Variants in ATP7B observed in about 807,000 individuals in gnomAD.
ATP7B encodes the protein copper-transporting ATPase 2.
In ATP7B, 113 loss-of-function variants were observed where a neutral mutation model predicts 118.9. That is an observed-to-expected ratio of 0.95 (90% confidence interval 0.82 to 1.11). The LOEUF (loss-of-function observed/expected upper bound fraction) is 1.11, where lower values mean the gene tolerates loss of function less well. ATP7B is among the 50% of genes most tolerant of loss of function. ATP7B has a pLI of 0.00. For missense variants in ATP7B, 1,867 were observed against 1,871.4 expected (o/e 1.00, Z 0.04); for synonymous variants, 777 against 727.4 (o/e 1.07, Z -1.10).
intron 1 of ATP7B, among the ~76,000 whole-genome samples, chr13:51,994,868 T>A (rs1056022858): frequency 6.6e-6 from 1 of 152,226 alleles, no homozygotes; most frequent in African/African-American, 2.4e-5. Context: ...GCACCATTTT[T>A]ACAAAACGTT....
chr13:51,965,040 CA>C lies in ATP7B; in HGVS notation c.1708-8del. 3.7e-6 allele frequency: 6 copies of C among 1,613,916 alleles called. No homozygotes were observed. Among genetic ancestry groups the C allele is most frequent in the Non-Finnish European group, 5.1e-6 (6 of 1,179,992 alleles). The stretch of plus-strand genomic sequence containing the variant: ...CGCAGGTCATCCCTGTGATCTGCAA[CA>C]CAGGATGGCAAGAATCCCACAGACC... On this transcript the variant is annotated splice_polypyrimidine_tract_variant and splice_region_variant and intron_variant, in intron 4 of 20. Transcript: ENST00000242839.
At chr13:51,957,676 C>A in intron 8 of ATP7B, 69 bp from the exon 9 acceptor site, 1 of 1,473,762 alleles carries the variant, frequency 6.8e-7, no homozygotes. Context: ...GCCTGAGAGT[C>A]ACAAGCGTGG....
At position 52,011,293 on chromosome 13, in the gene ATP7B, AC is replaced by A. The variant is rs1192728612; in HGVS notation, c.44del (p.Ser15IlefsTer19). The A allele has an allele frequency of 1.9e-6, 3 of 1,614,036 alleles. No individual in the cohort carries two copies. Among genetic ancestry groups the A allele is most frequent in the African/African-American group, 1.3e-5 (1 of 74,912 alleles). ...GCGGGGGAACAAAACTCACTTTCCGACTGGCCCCTTCTCTGGCTGTGATCTG... is the reference window on the plus strand; with the variant it reads ...GCGGGGGAACAAAACTCACTTTCCGATGGCCCCTTCTCTGGCTGTGATCTG... ...ERQITAREGA[S>X]RKILSKLSLP... On this transcript the variant is annotated frameshift_variant, in exon 1 of 21. Transcript: ENST00000242839. LOFTEE classifies it high-confidence loss of function.
intron 12 of ATP7B, among the ~76,000 whole-genome samples, chr13:51,948,765 T>C (rs1566494333): frequency 6.6e-6 from 1 of 152,166 alleles, no homozygotes; most frequent in Non-Finnish European, 1.5e-5. Context: ...TTCCTTTCTT[T>C]TTCTGAGGTT....
intron 6 of ATP7B, 75 bp from the exon 7 acceptor site, chr13:51,960,397 A>C: frequency 6.4e-7 from 1 of 1,551,792 alleles, no homozygotes; most frequent in African/African-American, 1.4e-5. Context: ...TCCCCTTCTG[A>C]GGACACAGTT....
chr13:51,937,460 C>T lies in ATP7B; in HGVS notation c.3903+16G>A. The T allele has an allele frequency of 1.2e-6, 2 of 1,614,144 alleles. No individual in the cohort carries two copies. Among genetic ancestry groups the T allele is most frequent in the South Asian group, 1.1e-5 (1 of 91,088 alleles). On this transcript the variant is annotated intron_variant, in intron 18 of 20. Coordinates refer to ENST00000242839, the MANE Select transcript of ATP7B (RefSeq NM_000053.4). ...TGCCCTCCCAGCACCCACAGCCTGG[C>T]TGCAGCCACGCTCACTCTGATAAGG...
At position 51,937,584 on chromosome 13, in the gene ATP7B, C is replaced by A. The variant is rs1957046861; in HGVS notation, c.3795G>T (p.Val1265=). 6.2e-7 allele frequency: 1 copy of A among 1,614,288 alleles called. No homozygotes were observed. Among genetic ancestry groups the A allele is most frequent in the Non-Finnish European group, 8.5e-7 (1 of 1,180,058 alleles). The change falls in exon 18 of 21, where the codon GTG becomes GTT. Residue 1265 remains valine, a synonymous_variant. Coordinates refer to ENST00000242839, the MANE Select transcript of ATP7B (RefSeq NM_000053.4). ...LQNKGKKVAM[V]GDGVNDSPAL... ...CCGGGGAGTCATTGACCCCATCCCC[C>A]ACCATGGCGACTTTCTTCCCTTTAT... is the stretch of plus-strand genomic sequence containing the variant.
At chr13:52,006,232 G>A (rs930662555) in intron 1 of ATP7B, among the ~76,000 whole-genome samples, 6 of 152,206 alleles carry the variant, frequency 3.9e-5, no homozygotes, top group African/African-American at 1.2e-4. Context: ...ATACTTCCTC[G>A]ATATCTATGC....
chr13:51,960,949 T>C (rs1248087156), intron 6 of ATP7B, among the ~76,000 whole-genome samples: 1 of 152,004 alleles, frequency 6.6e-6, no homozygotes, highest in African/African-American at 2.4e-5. Context: ...TGAAAACCAC[T>C]GGCCTTTGAG....
chr13:51,937,298 C>T lies in ATP7B; in HGVS notation c.3999G>A (p.Leu1333=), dbSNP rs186435141. 1.2e-6 allele frequency: 2 copies of T among 1,614,210 alleles called. No homozygotes were observed. ...TACCTGCTGCAATGGGTATCCCAACCAGGTTATAAATCAGTGCCAGGACCA... is the reference window on the plus strand; with the variant it reads ...TACCTGCTGCAATGGGTATCCCAACTAGGTTATAAATCAGTGCCAGGACCA... ...INLVLALIYN[L]VGIPIAAGVF... Residue 1333 remains leucine (L), a synonymous_variant, in exon 19 of 21, where the codon CTG becomes CTA. Transcript: ENST00000242839.
In ATP7B at chr13:51,933,132, G is replaced by C. The variant is rs1956789770; in HGVS notation, c.*1624C>G. 6.6e-6 allele frequency: 1 copy of C among 152,188 alleles called. No homozygotes were observed. The highest frequency in any genetic ancestry group is 2.4e-5 in the African/African-American group (1 of 41,434). 9.4% of individuals were successfully genotyped at this position (152,188 alleles called of 1,614,324 possible). On this transcript the variant is annotated 3_prime_UTR_variant, in exon 21 of 21. Coordinates refer to ENST00000242839, the MANE Select transcript of ATP7B (RefSeq NM_000053.4). ...GCATTCTGAGTTGAAACAATGAATA[G>C]ATCACCTGGTAGATTTGTTCTTCCA...
At chr13:52,003,021 T>C (rs1375146335) in intron 1 of ATP7B, among the ~76,000 whole-genome samples, 1 of 152,224 alleles carries the variant, frequency 6.6e-6, no homozygotes, top group Non-Finnish European at 1.5e-5. Flanking sequence ...TCTGGTTTGA[T>C]CTTATGTTCA....
At chr13:51,973,904 G>T (rs200596222) in intron 2 of ATP7B, 31 bp downstream of exon 2, 1 of 1,614,072 alleles carries the variant, frequency 6.2e-7, no homozygotes. Flanking sequence ...AAGGAGACAA[G>T]CTCAGGACAT....
intron 9 of ATP7B, among the ~76,000 whole-genome samples, chr13:51,953,678 G>GTTT (rs1958149485): frequency 6.6e-6 from 1 of 152,000 alleles, no homozygotes; most frequent in Non-Finnish European, 1.5e-5. Flanking sequence ...ACAGTGGTTT[G>GTTT]TTTCATAGCA....
intron 4 of ATP7B, among the ~76,000 whole-genome samples, chr13:51,965,520 A>G (rs1951503576): frequency 6.6e-6 from 1 of 152,180 alleles, no homozygotes; most frequent in African/African-American, 2.4e-5. Context: ...AAGGGTAATG[A>G]TGTTAATACC....
chr13:51,937,447 A>G (rs758335604), intron 18 of ATP7B, 29 bp downstream of exon 18: 1 of 1,614,126 alleles, frequency 6.2e-7, no homozygotes, highest in Non-Finnish European at 8.5e-7. Context: ...CCCTCCCAGC[A>G]CCCACAGCCT....
rs758147392 is a variant in ATP7B at position 51,937,591 on chromosome 13, GC to G, written c.3787del (p.Ala1263ProfsTer67). The G allele has an allele frequency of 6.2e-7, 1 of 1,614,268 alleles. No homozygotes were observed. The highest frequency in any genetic ancestry group is 2.2e-5 in the East Asian group (1 of 44,888). ...GTCATTGACCCCATCCCCCACCATG[GC>G]GACTTTCTTCCCTTTATTCTGGAGC... Reference protein sequence around the residue: ...QELQNKGKKVAMVGDGVNDSP... With the variant: ...QELQNKGKKVXMVGDGVNDSP... On this transcript the variant is annotated frameshift_variant, in exon 18 of 21. Transcript: ENST00000242839. LOFTEE classifies it high-confidence loss of function.
chr13:51,936,121 C>T lies in ATP7B; in HGVS notation c.4022-426G>A, dbSNP rs376061915. On this transcript the variant is annotated intron_variant, in intron 19 of 20. Transcript: ENST00000242839. ...ACAGTCCTTCTCTAGCAGATGATCT[C>T]GCCTCCAGGGCTTCATGACATCTTT... Among the ~76,000 whole-genome samples the T allele has an allele frequency of 7.2e-5, 11 of 152,334 alleles. No homozygotes were observed. In the East Asian group the frequency reaches 1.7e-3, roughly 24 times the overall value.
chr13:51,995,952 T>C (rs768363542), intron 1 of ATP7B, among the ~76,000 whole-genome samples: 21 of 152,320 alleles, frequency 1.4e-4, no homozygotes, highest in Admixed American at 2.0e-4. Flanking sequence ...AGTTTCCTTT[T>C]GGCCATGTGC....
Sources: allele counts gnomAD v4.1 joint callset (sites outside exome capture counted in the v4.1 genomes callset), GRCh38; gene constraint gnomAD v4.1.1; transcripts MANE v1.5; gene names NCBI Gene and HGNC (gene_info 2026-07-23, HGNC 2026-07-21).